Variants in KAT2B observed in about 807,000 individuals in gnomAD.
The protein encoded by KAT2B is histone acetyltransferase KAT2B.
KAT2B carries 36 observed loss-of-function variants against 105.9 expected under a neutral mutation model. The ratio of observed to expected loss-of-function variants is 0.34; its 90% CI spans 0.26 to 0.45. The LOEUF (loss-of-function observed/expected upper bound fraction) is 0.45. Ranked by LOEUF, KAT2B falls within the 20% of genes least tolerant of loss-of-function variation. The probability of loss-of-function intolerance (pLI) is 1.00; values close to 1 mark genes in which losing one functional copy is unlikely to be tolerated. For missense variants in KAT2B, 820 were observed against 1,021.6 expected (o/e 0.80, Z 2.69); for synonymous variants, 397 against 377.9 (o/e 1.05, Z -0.59).
chr3:20,105,437 T>C (rs1414047792), intron 5 of KAT2B, among the ~76,000 whole-genome samples: 1 of 152,164 alleles, frequency 6.6e-6, no homozygotes, highest in Non-Finnish European at 1.5e-5. Flanking sequence ...TGTGTAGAAC[T>C]TTTGAAAGTT....
chr3:20,079,074 A>ATT (rs914783931), intron 2 of KAT2B, among the ~76,000 whole-genome samples: 1 of 148,818 alleles, frequency 6.7e-6, no homozygotes, highest in African/African-American at 2.5e-5. Context: ...TATTATTATT[A>ATT]TTTTTTAGTA....
At chr3:20,122,925 A>G in intron 9 of KAT2B, 121 bp downstream of exon 9, 3 of 1,403,720 alleles carry the variant, frequency 2.1e-6, no homozygotes, top group Non-Finnish European at 1.9e-6. Context: ...CCTGGTTTGC[A>G]TTTAACCTGG....
At chr3:20,096,444 G>A (rs187501299) in intron 3 of KAT2B, among the ~76,000 whole-genome samples, 1 of 152,102 alleles carries the variant, frequency 6.6e-6, no homozygotes, top group African/African-American at 2.4e-5. Flanking sequence ...CTATAAAGGA[G>A]GCTGCCAGAA....
In KAT2B at chr3:20,136,795, G is replaced by T. The variant is rs180865280; in HGVS notation, c.1750-147G>T. 1.7e-4 allele frequency: 78 copies of T among 451,496 alleles called. 1 individual carries two copies. Among genetic ancestry groups the T allele is most frequent in the African/African-American group, 1.1e-3 (58 of 50,752 alleles). 28.0% of individuals were successfully genotyped at this position (451,496 alleles called of 1,614,324 possible). A position where few individuals can be genotyped will look rare whatever the true frequency, so the allele number is the denominator to read the frequency against. On this transcript the variant is annotated intron_variant, in intron 11 of 17. Transcript: ENST00000263754. ...TCAAAGTTAAGAAACGCAAGAAAGG[G>T]TGTTAATATATTTCATTCAGGAAAG...
At chr3:20,130,144 C>G (rs912136898) in intron 11 of KAT2B, among the ~76,000 whole-genome samples, 1 of 152,186 alleles carries the variant, frequency 6.6e-6, no homozygotes, top group African/African-American at 2.4e-5. Context: ...CGCCCGGCCT[C>G]AGCACGAATT....
chr3:20,056,033 T>C lies in KAT2B; in HGVS notation c.303+15253T>C, dbSNP rs565230353. 3.9e-5 allele frequency among the ~76,000 whole-genome samples: 6 copies of C among 152,364 alleles called. No homozygotes were observed. The South Asian group carries it at 1.2e-3, about 32-fold the overall frequency. On this transcript the variant is annotated intron_variant, in intron 1 of 17. Transcript: ENST00000263754. ...GTACTAGTTTGTTTATCTGTTGACT[T>C]GTTATGGACATCTGGGCTGTTTCCA...
intron 1 of KAT2B, among the ~76,000 whole-genome samples, chr3:20,059,821 A>G (rs1372432280): frequency 6.6e-6 from 1 of 152,260 alleles, no homozygotes; most frequent in East Asian, 1.9e-4. Context: ...TTGTACAATC[A>G]TCACCACAAT....
intron 7 of KAT2B, 33 bp downstream of exon 7, chr3:20,115,021 C>A: frequency 3.0e-6 from 4 of 1,324,696 alleles, no homozygotes; most frequent in Non-Finnish European, 3.3e-6. Context: ...CAGAGAACAA[C>A]CAGGGAGGCC....
intron 1 of KAT2B, among the ~76,000 whole-genome samples, chr3:20,070,341 T>A (rs1271972833): frequency 6.7e-6 from 1 of 148,594 alleles, no homozygotes; most frequent in Non-Finnish European, 1.5e-5. Context: ...AGTCTCGCTC[T>A]GTACCCAGGC....
chr3:20,140,362 G>A lies in KAT2B; in HGVS notation c.2002G>A (p.Glu668Lys), dbSNP rs1699675706. ...EFSVIIKKQK[E>K]IIKKLIERKQ... ...TTCTGTCATCATTAAAAAGCAGAAGGAGGTAAGCAGGTGGTTGACTCCCTT... is the reference window on the plus strand; with the variant it reads ...TTCTGTCATCATTAAAAAGCAGAAGAAGGTAAGCAGGTGGTTGACTCCCTT... The change falls in exon 13 of 18, where the codon GAG becomes AAG. Residue 668 changes from glutamate to lysine, a missense_variant and splice_region_variant. Transcript: ENST00000263754. The A allele has an allele frequency of 1.9e-6, 3 of 1,613,584 alleles. No homozygotes were observed. Among genetic ancestry groups the A allele is most frequent in the African/African-American group, 2.7e-5 (2 of 75,028 alleles).
In KAT2B at chr3:20,095,259, T is replaced by TA. The variant is rs778807206; in HGVS notation, c.431-2dup. ...TACATATGTTTCTTTGATCTTATCA[T>TA]AAGCTGCTCATGTTTCCCACCTGGA... On this transcript the variant is annotated splice_polypyrimidine_tract_variant and splice_region_variant and intron_variant, in intron 2 of 17. Coordinates refer to ENST00000263754, the MANE Select transcript of KAT2B (RefSeq NM_003884.5). The TA allele has an allele frequency of 3.7e-6, 6 of 1,610,288 alleles. 1 individual carries two copies. In the South Asian group the frequency reaches 6.6e-5, roughly 18 times the overall value.
rs1390908659 is a variant in KAT2B at position 20,126,052 on chromosome 3, G to A, written c.1561G>A (p.Val521Ile). Residue 521 changes from valine to isoleucine, a missense_variant, in exon 10 of 18, where the codon GTT becomes ATT. Transcript: ENST00000263754. ...GATGTGGCTGGTTGGCCTACAGAACGTTTTCTCCCACCAGCTGCCCCGAAT... is the reference window on the plus strand; with the variant it reads ...GATGTGGCTGGTTGGCCTACAGAACATTTTCTCCCACCAGCTGCCCCGAAT... ...ILMWLVGLQN[V>I]FSHQLPRMPK... 2 of 1,613,938 alleles carry A rather than the reference G, an allele frequency of 1.2e-6. No individual in the cohort carries two copies.
At chr3:20,121,675 T>C (rs1410072544) in intron 8 of KAT2B, among the ~76,000 whole-genome samples, 1 of 144,390 alleles carries the variant, frequency 6.9e-6, no homozygotes, top group Non-Finnish European at 1.5e-5. Context: ...ATTTATGGTA[T>C]ATTTCAAATA....
At chr3:20,047,363 C>T (rs549591389) in intron 1 of KAT2B, among the ~76,000 whole-genome samples, 22 of 152,116 alleles carry the variant, frequency 1.4e-4, no homozygotes, top group African/African-American at 3.4e-4. Flanking sequence ...TGAACCACCA[C>T]GCCTAGCCTA....
chr3:20,129,712 A>G (rs1223121014), intron 11 of KAT2B, among the ~76,000 whole-genome samples: 1 of 152,160 alleles, frequency 6.6e-6, no homozygotes, highest in East Asian at 1.9e-4. Flanking sequence ...TGTATTTTAC[A>G]TTTATAACAC....
chr3:20,073,297 A>G (rs1698359660), intron 2 of KAT2B, among the ~76,000 whole-genome samples: 1 of 152,096 alleles, frequency 6.6e-6, no homozygotes, highest in Non-Finnish European at 1.5e-5. Flanking sequence ...AGGACATAGC[A>G]CTCACTGGGC....
chr3:20,115,362 A>G (rs1699186804), intron 7 of KAT2B, among the ~76,000 whole-genome samples: 1 of 152,212 alleles, frequency 6.6e-6, no homozygotes, highest in South Asian at 2.1e-4. Context: ...AGGAAGGAAG[A>G]CAGATGCCTT....
intron 11 of KAT2B, among the ~76,000 whole-genome samples, chr3:20,130,721 T>G (rs1228995055): frequency 6.6e-6 from 1 of 152,162 alleles, no homozygotes; most frequent in African/African-American, 2.4e-5. Flanking sequence ...TGAAGGAAGG[T>G]GGCCAAGCAT....
At chr3:20,061,510 C>T (rs765020319) in intron 1 of KAT2B, among the ~76,000 whole-genome samples, 11 of 151,900 alleles carry the variant, frequency 7.2e-5, no homozygotes, top group Admixed American at 2.6e-4. Flanking sequence ...GGAATTGCTG[C>T]GTCATATAGT....
Sources: gnomAD v4.1 joint callset for allele counts (sites outside exome capture counted in the v4.1 genomes callset) on GRCh38, gnomAD v4.1.1 for gene constraint, MANE v1.5 for transcripts, NCBI Gene and HGNC (gene_info 2026-07-23, HGNC 2026-07-21) for gene names.